Variants in TRAF2 observed in about 807,000 individuals in gnomAD.
TRAF2 encodes the protein TNF receptor-associated factor 2.
TRAF2 carries 6 observed loss-of-function variants against 55.6 expected under a neutral mutation model. The ratio of observed to expected loss-of-function variants is 0.11; its 90% CI spans 0.06 to 0.21. The LOEUF (loss-of-function observed/expected upper bound fraction) is 0.21, where lower values mean the gene tolerates loss of function less well. Among genes scored for constraint, TRAF2 ranks in the 10% least tolerant of loss-of-function variants. TRAF2 has a pLI of 1.00. For missense variants in TRAF2, 561 were observed against 684.5 expected, an observed-to-expected ratio of 0.82 and a Z score of 2.01; for synonymous variants, 329 against 276.3, an observed-to-expected ratio of 1.19 and a Z score of -1.89.
chr9:136,913,758 T>C (rs1368035451), intron 6 of TRAF2, among the ~76,000 whole-genome samples: 5 of 152,228 alleles, frequency 3.3e-5, no homozygotes, highest in Non-Finnish European at 5.9e-5. Flanking sequence ...TGCTGTCTTA[T>C]CAGTCAGAGC....
intron 5 of TRAF2, among the ~76,000 whole-genome samples, chr9:136,908,810 C>A (rs1056459387): frequency 6.9e-6 from 1 of 144,838 alleles, no homozygotes; most frequent in African/African-American, 2.6e-5. Flanking sequence ...GCGGAGCTTG[C>A]AGTGAGCCGA....
At chr9:136,909,760 G>A (rs1850056140) in intron 5 of TRAF2, among the ~76,000 whole-genome samples, 160 bp from the exon 6 acceptor site, 1 of 152,222 alleles carries the variant, frequency 6.6e-6, no homozygotes, top group Admixed American at 6.5e-5. Context: ...GGTGGTGCTG[G>A]CAGGATCCTG....
rs1416587453 is a variant in TRAF2 at position 136,899,578 on chromosome 9, CT to C, written c.189-10del. 1.6e-5 allele frequency: 26 copies of C among 1,593,554 alleles called. No homozygotes were observed. Among genetic ancestry groups the C allele is most frequent in the African/African-American group, 2.7e-5 (2 of 73,840 alleles). On this transcript the variant is annotated splice_polypyrimidine_tract_variant and intron_variant, in intron 2 of 10. Coordinates refer to ENST00000247668, the MANE Select transcript of TRAF2 (RefSeq NM_021138.4). Reference sequence around the variant, plus strand: ...GGTTTCACAGTGGGTTGTTTTTTGCCTTTTTTCCCCACTAGCTCTGGGCCTC... The same window carrying C: ...GGTTTCACAGTGGGTTGTTTTTTGCCTTTTTCCCCACTAGCTCTGGGCCTC...
At chr9:136,917,717 T>C (rs1174193601) in intron 7 of TRAF2, among the ~76,000 whole-genome samples, 1 of 152,218 alleles carries the variant, frequency 6.6e-6, no homozygotes, top group Admixed American at 6.5e-5. Context: ...TTGTGTTTTT[T>C]TCCTAATGGT....
chr9:136,926,010 C>T lies in TRAF2; in HGVS notation c.*109C>T. On this transcript the variant is annotated 3_prime_UTR_variant, in exon 11 of 11. Coordinates refer to ENST00000247668, the MANE Select transcript of TRAF2 (RefSeq NM_021138.4). Reference sequence around the variant, plus strand: ...ACTGTACAAGTGGGCAGGGGCCGCGCTTGGGCGCTTGGGAGGGTGTCGGCC... The same window carrying T: ...ACTGTACAAGTGGGCAGGGGCCGCGTTTGGGCGCTTGGGAGGGTGTCGGCC... 7.5e-7 allele frequency: 1 copy of T among 1,340,688 alleles called. No homozygotes were observed. Among genetic ancestry groups the T allele is most frequent in the Non-Finnish European group, 1.1e-6 (1 of 948,386 alleles). The allele number at this position is 1,340,688 out of a possible 1,614,324, so 83.0% of individuals were successfully genotyped here. A position where few individuals can be genotyped will look rare whatever the true frequency, so the allele number is the denominator to read the frequency against.
chr9:136,908,125 G>T lies in TRAF2; in HGVS notation c.422G>T (p.Gly141Val). The change falls in exon 5 of 11, where the codon GGC (glycine) becomes GTC (valine). Residue 141 changes from glycine (G) to valine (V), a missense_variant. Physicochemically the swap from Gly to Val is moderately radical, Grantham distance 109. Coordinates refer to ENST00000247668, the MANE Select transcript of TRAF2 (RefSeq NM_021138.4). ...CTGACCGAATGTCCCGCGTGCAAAG[G>T]CCTGGTCCGCCTTGGTGAAAAGGAG... ...LMLTECPACKGLVRLGEKERH... is the reference protein window; with the variant it reads ...LMLTECPACKVLVRLGEKERH... The T allele has an allele frequency of 1.2e-6, 2 of 1,605,756 alleles. No homozygotes were observed.
chr9:136,920,224 G>T lies in TRAF2; in HGVS notation c.679-10G>T, dbSNP rs1850351141. On this transcript the variant is annotated splice_polypyrimidine_tract_variant and intron_variant, in intron 7 of 10. Transcript: ENST00000247668. The stretch of plus-strand genomic sequence containing the variant: ...ATGGAGCCAGCAGCCTCCCTGCCCT[G>T]TGTCCGCAGGTAGAGGGTGAGAAAC... 2 of 1,600,394 alleles carry T rather than the reference G, an allele frequency of 1.2e-6. No homozygotes were observed. The highest frequency in any genetic ancestry group is 2.7e-5 in the African/African-American group (2 of 74,838).
At chr9:136,914,267 G>A (rs1280799099) in intron 6 of TRAF2, among the ~76,000 whole-genome samples, 1 of 152,186 alleles carries the variant, frequency 6.6e-6, no homozygotes, top group Non-Finnish European at 1.5e-5. Context: ...TTGTCTCCTC[G>A]CTTCCAGCAG....
upstream of TRAF2, chr9:136,886,496 C>G (rs1036463100): frequency 1.1e-5 from 11 of 1,001,380 alleles, no homozygotes; most frequent in Non-Finnish European, 1.3e-5. Flanking sequence ...GCGTTGGGGG[C>G]GGTAGCTGGG....
At chr9:136,924,954 G>A (rs544791245) in intron 10 of TRAF2, among the ~76,000 whole-genome samples, 15 of 152,230 alleles carry the variant, frequency 9.9e-5, no homozygotes, top group East Asian at 1.9e-4. Context: ...GGCCAGGCTG[G>A]TCTTGATCTC....
At position 136,924,061 on chromosome 9, in the gene TRAF2, G is replaced by T. The variant is rs1850463006; in HGVS notation, c.1287+61G>T. ...CCTGGGAGTCCCTCTGGGCAGTGCA[G>T]CTTCTGTGGTGCAGGGTTGTGCGGG... is the stretch of plus-strand genomic sequence containing the variant. On this transcript the variant is annotated intron_variant, in intron 10 of 10. Coordinates refer to ENST00000247668, the MANE Select transcript of TRAF2 (RefSeq NM_021138.4). 4 of 1,589,030 alleles carry T rather than the reference G, an allele frequency of 2.5e-6. No homozygotes were observed. The Admixed American group carries it at 6.8e-5, about 27-fold the overall frequency.
Position 136,925,671 on chromosome 9 carries a change from T to G in TRAF2, c.1288-12T>G, listed in dbSNP as rs201722643. On this transcript the variant is annotated splice_polypyrimidine_tract_variant and intron_variant, in intron 10 of 10. Coordinates refer to ENST00000247668, the MANE Select transcript of TRAF2 (RefSeq NM_021138.4). ...CAGACCTGTGTCCCCTCCCTGGGGC[T>G]CTCTCCTCCAGGTGACCTTAATGCT... is the stretch of plus-strand genomic sequence containing the variant. 6.0e-5 allele frequency: 97 copies of G among 1,613,130 alleles called. 1 individual carries two copies. Among genetic ancestry groups the G allele is most frequent in the Middle Eastern group, 3.3e-4 (2 of 6,066 alleles).
intron 1 of TRAF2, among the ~76,000 whole-genome samples, chr9:136,892,299 T>TA (rs903017759): frequency 6.6e-6 from 1 of 151,260 alleles, no homozygotes; most frequent in Admixed American, 6.6e-5. Flanking sequence ...CCGTCTCTAC[T>TA]AAAAAATACA....
Position 136,888,639 on chromosome 9 carries a change from A to G in TRAF2, c.-29+2098A>G, listed in dbSNP as rs373049941. 2.3e-3 allele frequency among the ~76,000 whole-genome samples: 356 copies of G among 152,340 alleles called. 2 individuals are homozygous for G. The highest frequency in any genetic ancestry group is 8.2e-3 in the African/African-American group (341 of 41,578). Reference sequence around the variant, plus strand: ...CCCCTGCAGCGGCCAGGTTGCACCCATATCTGATTTGATGTCATGGTTTGG... The same window carrying G: ...CCCCTGCAGCGGCCAGGTTGCACCCGTATCTGATTTGATGTCATGGTTTGG... On this transcript the variant is annotated intron_variant, in intron 1 of 10. Coordinates refer to ENST00000247668, the MANE Select transcript of TRAF2 (RefSeq NM_021138.4).
intron 9 of TRAF2, among the ~76,000 whole-genome samples, chr9:136,922,678 C>T (rs1316157449): frequency 1.2e-5 from 1 of 82,684 alleles, no homozygotes; most frequent in Non-Finnish European, 2.3e-5. Flanking sequence ...GGCCTGGGGG[C>T]GTGTGGAGGA....
At chr9:136,923,480 G>C (rs941969384) in intron 9 of TRAF2, among the ~76,000 whole-genome samples, 2 of 151,838 alleles carry the variant, frequency 1.3e-5, no homozygotes, top group African/African-American at 4.8e-5. Flanking sequence ...GTGTGGTGTC[G>C]AGCGTCTGTA....
rs549406018 is a variant in TRAF2, at chr9:136,908,203, G to A, written c.500G>A (p.Arg167Gln). Residue 167 changes from arginine (R) to glutamine (Q), a missense_variant, in exon 5 of 11, where the codon CGG (arginine) becomes CAG (glutamine). Around this residue, in one of 2 missense-constraint regions of TRAF2, gnomAD observed 426 missense variants for 476.8 expected, o/e 0.89. Transcript: ENST00000247668. ...AGAAGCCTGAGCTGCCGGCATTGCC[G>A]GGCACCCTGCTGCGGAGCAGACGTG... Reference protein sequence around the residue: ...PERSLSCRHCRAPCCGADVKA... With the variant: ...PERSLSCRHCQAPCCGADVKA... 21 of 1,597,698 alleles carry A rather than the reference G, an allele frequency of 1.3e-5. No individual in the cohort carries two copies. The highest frequency in any genetic ancestry group is 6.7e-5 in the East Asian group (3 of 44,748).
chr9:136,923,075 G>A (rs4880074), intron 9 of TRAF2, among the ~76,000 whole-genome samples: 126,436 of 152,142 alleles, frequency 0.83, 52,581 homozygotes, highest in East Asian at 0.87. Flanking sequence ...GCCTCTGCCG[G>A]GTTCTGGCTG....
chr9:136,911,264 C>CTTTTTTTTTTTTTTTTT (rs34077067), intron 6 of TRAF2, among the ~76,000 whole-genome samples: 2 of 122,566 alleles, frequency 1.6e-5, no homozygotes, highest in African/African-American at 6.3e-5. Flanking sequence ...TCCTTCCCGT[C>CTTTTTTTTTTTTTTTTT]TTTTTTTTTT....
Sources: allele counts gnomAD v4.1 joint callset (sites outside exome capture counted in the v4.1 genomes callset), GRCh38; gene constraint gnomAD v4.1.1; regional missense constraint gnomAD v4.1.1; transcripts MANE v1.5; gene names NCBI Gene and HGNC (gene_info 2026-07-23, HGNC 2026-07-21).